NKX1-1: variants seen among roughly 807,000 people sequenced by gnomAD.
NKX1-1 encodes NK1 transcription factor-related protein 1.
In NKX1-1, 7 loss-of-function variants were observed where a neutral mutation model predicts 1.7. That is an observed-to-expected ratio of 4.22 (90% confidence interval 2.40 to 7.92). The LOEUF (loss-of-function observed/expected upper bound fraction) is 7.92. Among genes scored for constraint, NKX1-1 ranks in the 30% most tolerant of loss-of-function variants. NKX1-1 has a pLI of 0.00. For synonymous variants in NKX1-1, 242 were observed against 85.3 expected, an observed-to-expected ratio of 2.84 and a Z score of -10.13; for missense variants, 453 against 171.5, an observed-to-expected ratio of 2.64 and a Z score of -9.17.
intron 1 of NKX1-1, among the ~76,000 whole-genome samples, chr4:1,404,348 G>T (rs900872327): frequency 6.6e-6 from 1 of 152,208 alleles, no homozygotes; most frequent in South Asian, 2.1e-4. Flanking sequence ...GGCCGGAGCC[G>T]GCCGAGAGAA....
At chr4:1,403,851 T>C (rs1720702387) in intron 1 of NKX1-1, 36 bp from the exon 2 acceptor site, 2 of 599,500 alleles carry the variant, frequency 3.3e-6, no homozygotes, top group African/African-American at 3.9e-5. Flanking sequence ...GGCAGGGCAG[T>C]TAGGACCGGC....
chr4:1,404,131 C>T (rs1048816018), intron 1 of NKX1-1, among the ~76,000 whole-genome samples: 126 of 152,336 alleles, frequency 8.3e-4, no homozygotes, highest in Non-Finnish European at 1.2e-4. Context: ...TGGACGGGTG[C>T]TGCGGGCCGG....
rs540479121 is a variant in NKX1-1 at position 1,403,180 on chromosome 4, C to T, written c.1099G>A (p.Gly367Arg). Residue 367 changes from glycine (G) to arginine (R), a missense_variant, in exon 2 of 2, where the codon GGG (glycine) becomes AGG (arginine). By Grantham distance (125) the Gly-to-Arg change is moderately radical. Transcript: ENST00000422806. ...GADTSAPTGG[G>R]GGPGPGAGPG... Reference sequence around the variant, plus strand: ...CCGGCCCCCGGTCCCGGTCCGCCCCCGCCGCCGGTCGGAGCGCTGGTGTCG... The same window carrying T: ...CCGGCCCCCGGTCCCGGTCCGCCCCTGCCGCCGGTCGGAGCGCTGGTGTCG... 1,665 of 641,188 alleles carry T rather than the reference C, an allele frequency of 2.6e-3. 6 individuals are homozygous for T. The highest frequency in any genetic ancestry group is 2.3e-3 in the Non-Finnish European group (802 of 350,886). 39.7% of individuals were successfully genotyped at this position (641,188 alleles called of 1,614,324 possible). A position where few individuals can be genotyped will look rare whatever the true frequency, so the allele number is the denominator to read the frequency against.
chr4:1,405,746 GC>G (rs1353914618), intron 1 of NKX1-1, among the ~76,000 whole-genome samples: 1 of 152,222 alleles, frequency 6.6e-6, no homozygotes, highest in African/African-American at 2.4e-5. Context: ...CAGCCCTGCA[GC>G]CCCTGGGCCT....
chr4:1,402,953 G>A lies in NKX1-1; in HGVS notation c.1326C>T (p.Ala442=). Residue 442 remains alanine (A), a synonymous_variant, in exon 2 of 2, where the codon GCC becomes GCT. Transcript: ENST00000422806. The stretch of plus-strand genomic sequence containing the variant: ...GGGCTCAGAGGTGCGGCGCGTAGAA[G>A]GCGGGCGCCCCGTAGGTCTGCGAGC... ...VLGSQTYGAP[A]FYAPHL is the part of the protein sequence containing the mutation. 2 of 666,540 alleles carry A rather than the reference G, an allele frequency of 3.0e-6. No homozygotes were observed. Among genetic ancestry groups the A allele is most frequent in the Non-Finnish European group, 2.7e-6 (1 of 370,218 alleles). 41.3% of individuals were successfully genotyped at this position (666,540 alleles called of 1,614,324 possible).
chr4:1,403,145 C>A lies in NKX1-1; in HGVS notation c.1134G>T (p.Thr378=). The change falls in exon 2 of 2, where the codon ACG becomes ACT. Residue 378 remains threonine (T), a synonymous_variant. Transcript: ENST00000422806. The part of the protein sequence containing the change: ...GGPGPGAGPG[T]GLPGGLSPLS... ...GCGGGCTGAGGCCGCCGGGCAGCCC[C>A]GTGCCAGGCCCGGCCCCCGGTCCCG... is the stretch of plus-strand genomic sequence containing the variant. The A allele has an allele frequency of 3.8e-6, 2 of 532,062 alleles. No homozygotes were observed. The highest frequency in any genetic ancestry group is 3.5e-5 in the East Asian group (1 of 28,238). 33.0% of individuals were successfully genotyped at this position (532,062 alleles called of 1,614,324 possible).
In NKX1-1 at chr4:1,406,223, C is replaced by A. The variant is rs1228442863; in HGVS notation, c.220G>T (p.Ala74Ser). 1.1e-5 allele frequency: 6 copies of A among 537,226 alleles called. No homozygotes were observed. The highest frequency in any genetic ancestry group is 4.0e-5 in the African/African-American group (2 of 49,712). 33.3% of individuals were successfully genotyped at this position (537,226 alleles called of 1,614,324 possible). A position where few individuals can be genotyped will look rare whatever the true frequency, so the allele number is the denominator to read the frequency against. The change falls in exon 1 of 2, where the codon GCA becomes TCA. Residue 74 changes from alanine to serine, a missense_variant. By Grantham distance (99) the Ala-to-Ser change is moderately conservative. Coordinates refer to ENST00000422806, the MANE Select transcript of NKX1-1 (RefSeq NM_001290079.1). ...APEGAGAARP[A>S]APLRPTSFSV... ...AAGGAGGTGGGGCGCAGGGGCGCTG[C>A]GGGCCGGGCCGCTCCAGCCCCCTCG...
rs758494888 is a variant in NKX1-1 at position 1,403,484 on chromosome 4, C to A, written c.795G>T (p.Ala265=). ...VAQGPPGGAA[A]PGGAGTTPQG... is the part of the protein sequence containing the mutation. ...GCGGGGTGGTCCCCGCGCCCCCCGGCGCCGCTGCACCTCCCGGTGGGCCCT... is the reference window on the plus strand; with the variant it reads ...GCGGGGTGGTCCCCGCGCCCCCCGGAGCCGCTGCACCTCCCGGTGGGCCCT... The change falls in exon 2 of 2, where the codon GCG becomes GCT. Residue 265 remains alanine, a synonymous_variant. Coordinates refer to ENST00000422806, the MANE Select transcript of NKX1-1 (RefSeq NM_001290079.1). The A allele has an allele frequency of 3.6e-6, 2 of 549,906 alleles. No individual in the cohort carries two copies. The highest frequency in any genetic ancestry group is 6.4e-6 in the Non-Finnish European group (2 of 314,022). 34.1% of individuals were successfully genotyped at this position (549,906 alleles called of 1,614,324 possible). A position where few individuals can be genotyped will look rare whatever the true frequency, so the allele number is the denominator to read the frequency against.
Position 1,405,998 on chromosome 4 carries a change from C to T in NKX1-1, c.445G>A (p.Ala149Thr), listed in dbSNP as rs1248882224. 1.3e-5 allele frequency: 6 copies of T among 473,784 alleles called. No homozygotes were observed. The highest frequency in any genetic ancestry group is 2.2e-5 in the Non-Finnish European group (6 of 274,216). 29.3% of individuals were successfully genotyped at this position (473,784 alleles called of 1,614,324 possible). A position where few individuals can be genotyped will look rare whatever the true frequency, so the allele number is the denominator to read the frequency against. ...TACTCACTCGGCGGCTCAGCTCCGG[C>T]GGCTCCGACTCCCCCGGCGCCGGCG... is the stretch of plus-strand genomic sequence containing the variant. ...ALAGAGGVGA[A>T]GAEPPNAGDP... The change falls in exon 1 of 2, where the codon GCC becomes ACC. Residue 149 changes from alanine to threonine, a missense_variant. Ala to Thr is a moderately conservative substitution (Grantham distance 58). Coordinates refer to ENST00000422806, the MANE Select transcript of NKX1-1 (RefSeq NM_001290079.1).
chr4:1,402,993 G>A lies in NKX1-1; in HGVS notation c.1286C>T (p.Ser429Leu). 1.5e-6 allele frequency: 1 copy of A among 655,848 alleles called. No homozygotes were observed. The highest frequency in any genetic ancestry group is 2.7e-6 in the Non-Finnish European group (1 of 365,346). The allele number at this position is 655,848 out of a possible 1,614,324, so 40.6% of individuals were successfully genotyped here. A position where few individuals can be genotyped will look rare whatever the true frequency, so the allele number is the denominator to read the frequency against. ...LPFLSSPAVL[S>L]PFVLGSQTYG... Reference sequence around the variant, plus strand: ...GGTCTGCGAGCCCAGCACGAAGGGCGAGAGCACCGCCGGGCTCGACAGGAA... The same window carrying A: ...GGTCTGCGAGCCCAGCACGAAGGGCAAGAGCACCGCCGGGCTCGACAGGAA... Residue 429 changes from serine to leucine, a missense_variant, in exon 2 of 2, where the codon TCG (serine) becomes TTG (leucine). Coordinates refer to ENST00000422806, the MANE Select transcript of NKX1-1 (RefSeq NM_001290079.1).
In NKX1-1 at chr4:1,403,046, T is replaced by G; in HGVS notation, c.1233A>C (p.Gly411=). The G allele has an allele frequency of 1.9e-6, 1 of 536,040 alleles. No homozygotes were observed. Among genetic ancestry groups the G allele is most frequent in the Non-Finnish European group, 3.3e-6 (1 of 305,184 alleles). The allele number at this position is 536,040 out of a possible 1,614,324, so 33.2% of individuals were successfully genotyped here. Residue 411 remains glycine, a synonymous_variant, in exon 2 of 2, where the codon GGA becomes GGC. Transcript: ENST00000422806. ...GCAGCTGCGCGGCGCACACCAGGCC[T>G]CCGGGGCCGTGCGCCGGGTACCCGG... ...GPAGYPAHGP[G]GLVCAAQLPF... is the part of the protein sequence containing the mutation.
intron 1 of NKX1-1, among the ~76,000 whole-genome samples, chr4:1,405,657 C>A (rs981133676): frequency 6.6e-6 from 1 of 152,212 alleles, no homozygotes; most frequent in Non-Finnish European, 1.5e-5. Context: ...GGCCAGCCAC[C>A]GCGAGCGGCC....
intron 1 of NKX1-1, among the ~76,000 whole-genome samples, chr4:1,404,363 G>A (rs1196528780): frequency 6.6e-6 from 1 of 152,252 alleles, no homozygotes; most frequent in African/African-American, 2.4e-5. Context: ...AGAGAATGGG[G>A]CTTGGGGGAC....
In NKX1-1 at chr4:1,405,350, A is replaced by G. The variant is rs375762856; in HGVS notation, c.463+630T>C. 5.8e-4 allele frequency among the ~76,000 whole-genome samples: 89 copies of G among 152,288 alleles called. 1 individual carries two copies. In the South Asian group the frequency reaches 0.016, roughly 27 times the overall value. ...AGGTTTTAATCGAGTAATTATCCGA[A>G]TTTTGACCCTATAATTTAGATGTTC... On this transcript the variant is annotated intron_variant, in intron 1 of 1. Transcript: ENST00000422806.
intron 1 of NKX1-1, among the ~76,000 whole-genome samples, chr4:1,404,468 G>A (rs1465241553): frequency 2.0e-5 from 3 of 152,190 alleles, no homozygotes; most frequent in East Asian, 1.9e-4. Flanking sequence ...CCCGCGCCTC[G>A]GCCCCTGCGC....
In NKX1-1 at chr4:1,403,249, A is replaced by G. The variant is rs1351499883; in HGVS notation, c.1030T>C (p.Phe344Leu). 5.4e-6 allele frequency: 4 copies of G among 734,626 alleles called. No homozygotes were observed. Among genetic ancestry groups the G allele is most frequent in the Non-Finnish European group, 7.6e-6 (3 of 397,280 alleles). 45.5% of individuals were successfully genotyped at this position (734,626 alleles called of 1,614,324 possible). A position where few individuals can be genotyped will look rare whatever the true frequency, so the allele number is the denominator to read the frequency against. The change falls in exon 2 of 2, where the codon TTC (phenylalanine) becomes CTC (leucine). Residue 344 changes from phenylalanine (F) to leucine (L), a missense_variant. Physicochemically the swap from Phe to Leu is conservative, Grantham distance 22. Transcript: ENST00000422806. ...TTCCACTTGGTTCGGCGGTTCTGGAACCAGATCTTCACCTGCGTCTCGGTG... is the reference window on the plus strand; with the variant it reads ...TTCCACTTGGTTCGGCGGTTCTGGAGCCAGATCTTCACCTGCGTCTCGGTG... ...SLTETQVKIW[F>L]QNRRTKWKKQ...
At position 1,403,526 on chromosome 4, in the gene NKX1-1, C is replaced by A; in HGVS notation, c.753G>T (p.Glu251Asp). ...GTGGGCCCTGGGCAACGGGCGAGTT[C>A]TCGCGGGGTCCGGGGGCCGCTGCCT... ...VDEAAAPGPR[E>D]NSPVAQGPPG... The change falls in exon 2 of 2, where the codon GAG (glutamate) becomes GAT (aspartate). Residue 251 changes from glutamate to aspartate, a missense_variant. Glu to Asp is a conservative substitution (Grantham distance 45, BLOSUM62 2). Transcript: ENST00000422806. 1 of 477,352 alleles carries A rather than the reference C, an allele frequency of 2.1e-6. No individual in the cohort carries two copies. Among genetic ancestry groups the A allele is most frequent in the Non-Finnish European group, 3.7e-6 (1 of 273,526 alleles). 29.6% of individuals were successfully genotyped at this position (477,352 alleles called of 1,614,324 possible).
intron 1 of NKX1-1, among the ~76,000 whole-genome samples, chr4:1,404,118 G>A (rs1374050896): frequency 6.6e-6 from 1 of 152,204 alleles, no homozygotes; most frequent in African/African-American, 2.4e-5. Context: ...GCCTGAGCGG[G>A]GCTGGACGGG....
chr4:1,403,205 G>A lies in NKX1-1; in HGVS notation c.1074C>T (p.Ala358=), dbSNP rs1467626476. The A allele has an allele frequency of 1.4e-6, 1 of 697,486 alleles. No homozygotes were observed. Among genetic ancestry groups the A allele is most frequent in the Non-Finnish European group, 2.6e-6 (1 of 379,466 alleles). The allele number at this position is 697,486 out of a possible 1,614,324, so 43.2% of individuals were successfully genotyped here. ...CGCCGCCGGTCGGAGCGCTGGTGTC[G>A]GCGCCCGGGTTCTGCTTCTTCCACT... ...RTKWKKQNPG[A]DTSAPTGGGG... Residue 358 remains alanine, a synonymous_variant, in exon 2 of 2, where the codon GCC becomes GCT. Coordinates refer to ENST00000422806, the MANE Select transcript of NKX1-1 (RefSeq NM_001290079.1).
Sources: allele counts gnomAD v4.1 joint callset (sites outside exome capture counted in the v4.1 genomes callset), GRCh38; gene constraint gnomAD v4.1.1; transcripts MANE v1.5; gene names NCBI Gene and HGNC (gene_info 2026-07-23, HGNC 2026-07-21).